The following IMPACT variants were observed in gnomAD, a reference collection of about 807,000 sequenced individuals.
IMPACT encodes impact RWD domain protein.
A neutral mutation model predicts 47.5 loss-of-function variants in IMPACT; 35 were observed. The ratio of observed to expected loss-of-function variants is 0.74; its 90% confidence interval spans 0.56 to 0.98. The LOEUF is 0.98. IMPACT is among the 50% of genes least tolerant of loss of function. The pLI is 0.00. For missense variants in IMPACT, 373 were observed against 394.8 expected (o/e 0.94, Z 0.47); for synonymous variants, 118 against 125.6 (o/e 0.94, Z 0.40).
At chr18:24,446,380 T>C (rs957909121) in intron 8 of IMPACT, among the ~76,000 whole-genome samples, 1 of 152,200 alleles carries the variant, frequency 6.6e-6, no homozygotes, top group African/African-American at 2.4e-5. Flanking sequence ...CAATTTATGC[T>C]CCTGTAAGCA....
intron 6 of IMPACT, among the ~76,000 whole-genome samples, chr18:24,442,030 G>A (rs1004764174): frequency 1.3e-5 from 2 of 152,082 alleles, no homozygotes; most frequent in Admixed American, 6.6e-5. Context: ...GAGGGAAGGT[G>A]TAAAACATCT....
intron 4 of IMPACT, among the ~76,000 whole-genome samples, chr18:24,433,261 G>A (rs113292622): frequency 0.036 from 4,943 of 138,566 alleles, 110 homozygotes; most frequent in Middle Eastern, 0.054. Flanking sequence ...CTGCAGTGGC[G>A]CAATCTCGGC....
At chr18:24,447,544 T>G (rs538550503) in intron 8 of IMPACT, among the ~76,000 whole-genome samples, 7 of 152,184 alleles carry the variant, frequency 4.6e-5, no homozygotes, top group Non-Finnish European at 1.0e-4. Context: ...ATTTAAATCT[T>G]TACATTCTTA....
chr18:24,432,762 A>AT (rs1908790522), intron 4 of IMPACT, among the ~76,000 whole-genome samples: 1 of 151,736 alleles, frequency 6.6e-6, no homozygotes, highest in South Asian at 2.1e-4. Flanking sequence ...TAACACCAGA[A>AT]TTGTTCATCT....
chr18:24,437,952 T>C lies in IMPACT; in HGVS notation c.282-3T>C, dbSNP rs1410327891. 5 of 1,475,534 alleles carry C rather than the reference T, an allele frequency of 3.4e-6. No homozygotes were observed. In the South Asian group the frequency reaches 6.1e-5, roughly 18 times the overall value. 91.4% of individuals were successfully genotyped at this position (1,475,534 alleles called of 1,614,324 possible). A position where few individuals can be genotyped will look rare whatever the true frequency, so the allele number is the denominator to read the frequency against. On this transcript the variant is annotated splice_polypyrimidine_tract_variant and splice_region_variant and intron_variant, in intron 4 of 10. Transcript: ENST00000284202. Reference sequence around the variant, plus strand: ...TTTTTTTTTTCCCCTGAATTTTGTTTAGTCAGAATATCGGTGAAAGTATTC... The same window carrying C: ...TTTTTTTTTTCCCCTGAATTTTGTTCAGTCAGAATATCGGTGAAAGTATTC...
chr18:24,434,390 G>A (rs981667123), intron 4 of IMPACT, among the ~76,000 whole-genome samples: 4 of 152,084 alleles, frequency 2.6e-5, no homozygotes, highest in Non-Finnish European at 2.9e-5. Context: ...CTTTAGAAGA[G>A]CAGTCAGTAA....
At chr18:24,430,668 A>G (rs1238110754) in intron 4 of IMPACT, among the ~76,000 whole-genome samples, 1 of 152,190 alleles carries the variant, frequency 6.6e-6, no homozygotes, top group Non-Finnish European at 1.5e-5. Context: ...GGAGGTTGAG[A>G]TGGGAGGATT....
chr18:24,443,005 A>G (rs1909155940), intron 6 of IMPACT, 44 bp from the exon 7 acceptor site: 2 of 1,048,478 alleles, frequency 1.9e-6, no homozygotes, highest in Admixed American at 2.0e-5. Flanking sequence ...TCAGTATTTG[A>G]ATGTAAGGCT....
chr18:24,450,893 C>A lies in IMPACT; in HGVS notation c.*46C>A. 8.9e-7 allele frequency: 1 copy of A among 1,122,092 alleles called. No homozygotes were observed. Among genetic ancestry groups the A allele is most frequent in the Non-Finnish European group, 1.3e-6 (1 of 744,364 alleles). The allele number at this position is 1,122,092 out of a possible 1,614,324, so 69.5% of individuals were successfully genotyped here. A position where few individuals can be genotyped will look rare whatever the true frequency, so the allele number is the denominator to read the frequency against. ...GTTAATTTGCCTATAATTATATATA[C>A]ATTCCATAGTCATCAAGGAATATAT... On this transcript the variant is annotated 3_prime_UTR_variant, in exon 11 of 11. Coordinates refer to ENST00000284202, the MANE Select transcript of IMPACT (RefSeq NM_018439.4).
At position 24,452,403 on chromosome 18, in the gene IMPACT, A is replaced by G. The variant is rs1909409477; in HGVS notation, c.*1556A>G. ...TGTTTTAACTGTTAAAATAATTTAA[A>G]AATTAATTATTTTACATAATTAAAG... On this transcript the variant is annotated 3_prime_UTR_variant, in exon 11 of 11. Coordinates refer to ENST00000284202, the MANE Select transcript of IMPACT (RefSeq NM_018439.4). 1.3e-5 allele frequency: 2 copies of G among 152,168 alleles called. No homozygotes were observed. Among genetic ancestry groups the G allele is most frequent in the African/African-American group, 4.8e-5 (2 of 41,444 alleles). The allele number at this position is 152,168 out of a possible 1,614,324, so 9.4% of individuals were successfully genotyped here. A position where few individuals can be genotyped will look rare whatever the true frequency, so the allele number is the denominator to read the frequency against.
rs1908617074 is a variant in IMPACT at position 24,426,738 on chromosome 18, G to C, written c.-19G>C. On this transcript the variant is annotated 5_prime_UTR_variant, in exon 1 of 11. Coordinates refer to ENST00000284202, the MANE Select transcript of IMPACT (RefSeq NM_018439.4). ...CCGGACCTGGCAGGCGGCGGCTGCA[G>C]GGCAGGTCCAGGGGCCACATGGCTG... The C allele has an allele frequency of 1.6e-6, 2 of 1,246,772 alleles. No homozygotes were observed. The highest frequency in any genetic ancestry group is 8.4e-5 in the Admixed American group (2 of 23,778). The allele number at this position is 1,246,772 out of a possible 1,614,324, so 77.2% of individuals were successfully genotyped here.
At chr18:24,436,633 C>T (rs1045154789) in intron 4 of IMPACT, among the ~76,000 whole-genome samples, 1 of 152,018 alleles carries the variant, frequency 6.6e-6, no homozygotes, top group Non-Finnish European at 1.5e-5. Flanking sequence ...ACTGCAACCT[C>T]CACCTCCCAG....
At chr18:24,437,483 C>G (rs1192877843) in intron 4 of IMPACT, among the ~76,000 whole-genome samples, 3 of 152,002 alleles carry the variant, frequency 2.0e-5, no homozygotes, top group Non-Finnish European at 4.4e-5. Flanking sequence ...AAATTGACTC[C>G]CTGAAGGAGT....
At chr18:24,450,234 C>G (rs1909348919) in intron 10 of IMPACT, among the ~76,000 whole-genome samples, 1 of 152,094 alleles carries the variant, frequency 6.6e-6, no homozygotes, top group Non-Finnish European at 1.5e-5. Flanking sequence ...TTAGAAAAAC[C>G]TTTTAAGACC....
chr18:24,433,108 G>A (rs543762328), intron 4 of IMPACT, among the ~76,000 whole-genome samples: 1 of 150,780 alleles, frequency 6.6e-6, no homozygotes, highest in Non-Finnish European at 1.5e-5. Flanking sequence ...TATTTAATGC[G>A]CTCGAATAAC....
chr18:24,431,891 G>A (rs1490090564), intron 4 of IMPACT, among the ~76,000 whole-genome samples: 1 of 152,074 alleles, frequency 6.6e-6, no homozygotes, highest in Non-Finnish European at 1.5e-5. Flanking sequence ...TAGTAGAGGC[G>A]GAGTTTCACC....
intron 4 of IMPACT, among the ~76,000 whole-genome samples, 166 bp from the exon 5 acceptor site, chr18:24,437,789 T>C (rs571462282): frequency 1.3e-5 from 2 of 152,314 alleles, no homozygotes; most frequent in African/African-American, 2.4e-5. Context: ...CTGTATTAAC[T>C]ACTCAGACAC....
intron 3 of IMPACT, among the ~76,000 whole-genome samples, chr18:24,430,009 C>T (rs1441855995): frequency 6.6e-6 from 1 of 152,074 alleles, no homozygotes. Flanking sequence ...GATCTCCTGA[C>T]CTCGTGATCT....
At chr18:24,428,959 A>G (rs941710912) in intron 3 of IMPACT, 38 bp downstream of exon 3, 7 of 1,418,266 alleles carry the variant, frequency 4.9e-6, no homozygotes, top group Non-Finnish European at 6.9e-6. Context: ...CTATAAAAAG[A>G]TTCTATTCTG....
Sources: allele counts gnomAD v4.1 joint callset (sites outside exome capture counted in the v4.1 genomes callset), GRCh38; gene constraint gnomAD v4.1.1; transcripts MANE v1.5; gene names NCBI Gene and HGNC (gene_info 2026-07-23, HGNC 2026-07-21).